POU2F3: variants seen among roughly 807,000 people sequenced by gnomAD.
POU2F3 encodes POU domain, class 2, transcription factor 3.
In POU2F3, 23 loss-of-function variants were observed where a neutral mutation model predicts 59.2. That is an observed-to-expected ratio of 0.39 (90% CI 0.28 to 0.55). POU2F3 has a LOEUF of 0.55. POU2F3 is among the 20% of genes least tolerant of loss of function. The probability of loss-of-function intolerance (pLI) is 0.66; values close to 1 mark genes in which losing one functional copy is unlikely to be tolerated. For missense variants in POU2F3, 473 were observed against 544.5 expected (o/e 0.87, Z 1.31); for synonymous variants, 190 against 214.6 (o/e 0.89, Z 1.00).
chr11:120,279,820 G>T (rs544060830), intron 3 of POU2F3, among the ~76,000 whole-genome samples: 1 of 152,312 alleles, frequency 6.6e-6, no homozygotes, highest in African/African-American at 2.4e-5. Flanking sequence ...CCTAGTACTT[G>T]CTGGTCTACC....
chr11:120,270,118 G>T (rs753295209), intron 3 of POU2F3, among the ~76,000 whole-genome samples: 8 of 152,168 alleles, frequency 5.3e-5, no homozygotes, highest in Non-Finnish European at 1.0e-4. Context: ...CACTAACTAG[G>T]TGTATAACCT....
intron 3 of POU2F3, among the ~76,000 whole-genome samples, chr11:120,269,733 C>T (rs1349825413): frequency 6.6e-6 from 1 of 152,078 alleles, no homozygotes; most frequent in East Asian, 1.9e-4. Context: ...GGCTCGGGGG[C>T]AATGTAGACA....
intron 3 of POU2F3, among the ~76,000 whole-genome samples, chr11:120,296,864 A>G (rs765479734): frequency 1.1e-4 from 17 of 152,174 alleles, no homozygotes; most frequent in Non-Finnish European, 2.2e-4. Context: ...TAACCCGTGC[A>G]TATGTCTTTA....
intron 3 of POU2F3, among the ~76,000 whole-genome samples, chr11:120,297,838 A>G (rs1273892656): frequency 3.3e-5 from 5 of 151,974 alleles, no homozygotes; most frequent in Non-Finnish European, 1.5e-5. Flanking sequence ...TGGCGTGATC[A>G]TAGCTCACTG....
rs1940941161 is a variant in POU2F3 at position 120,289,391 on chromosome 11, A to C, written c.133-8874A>C. On this transcript the variant is annotated intron_variant, in intron 3 of 12. Transcript: ENST00000543440. ...CTTTTTAACCGGCTACCCTCGCTAC[A>C]GTCATGCTCTCTTCAAATCCATATT... Among the ~76,000 whole-genome samples, 6 of 152,234 alleles carry C rather than the reference A, an allele frequency of 3.9e-5. No individual in the cohort carries two copies. In the South Asian group the frequency reaches 1.2e-3, roughly 32 times the overall value.
intron 3 of POU2F3, among the ~76,000 whole-genome samples, chr11:120,273,869 T>C (rs1940187000): frequency 6.6e-6 from 1 of 151,856 alleles, no homozygotes; most frequent in Non-Finnish European, 1.5e-5. Flanking sequence ...ATACAAAAAT[T>C]AGCTGGGTGT....
chr11:120,236,813 C>G (rs1040262131), upstream of POU2F3: 4 of 1,173,952 alleles, frequency 3.4e-6, no homozygotes, highest in Non-Finnish European at 4.9e-6. Context: ...CCCCTCAACC[C>G]TATACACAGG....
Position 120,319,444 on chromosome 11 carries a change from CTTT to C in POU2F3, c.*1068_*1070del, listed in dbSNP as rs1161373592. 4.2e-5 allele frequency: 5 copies of C among 117,848 alleles called. No individual in the cohort carries two copies. The highest frequency in any genetic ancestry group is 5.2e-5 in the Non-Finnish European group (3 of 57,894). The allele number at this position is 117,848 out of a possible 1,614,324, so 7.3% of individuals were successfully genotyped here. On this transcript the variant is annotated 3_prime_UTR_variant, in exon 13 of 13. Transcript: ENST00000543440. ...TGGGCTGGGATTTTTTTTTCTTTTT[CTTT>C]TTTTTTTTTTTTTTTGAGACAGTCT... is the stretch of plus-strand genomic sequence containing the variant.
rs185061828 is a variant in POU2F3, at chr11:120,249,136, G to A, written c.97+2619G>A. ...CCTCCTGGCTGGTGGAGACGTGGCC[G>A]GGGGCACATGTTTTCCTTTCTTTGG... On this transcript the variant is annotated intron_variant, in intron 2 of 12. Transcript: ENST00000543440. Among the ~76,000 whole-genome samples, 1,243 of 152,236 alleles carry A rather than the reference G, an allele frequency of 8.2e-3. 10 individuals carry two copies. The highest frequency in any genetic ancestry group is 0.013 in the Non-Finnish European group (900 of 68,018).
At chr11:120,266,647 G>A (rs537037494) in intron 2 of POU2F3, among the ~76,000 whole-genome samples, 8 of 152,216 alleles carry the variant, frequency 5.3e-5, no homozygotes, top group South Asian at 2.1e-4. Context: ...TCAGGACTTC[G>A]AAAGACTGGG....
At chr11:120,261,197 T>TGTGTGTGTTTTG (rs1220152410) in intron 2 of POU2F3, 1 of 149,052 alleles carries the variant, frequency 6.7e-6, no homozygotes, top group African/African-American at 2.5e-5. Flanking sequence ...TGTGTGTGTG[T>TGTGTGTGTTTTG]TTTGTTTGTT....
chr11:120,258,420 A>C (rs114513135), intron 2 of POU2F3, among the ~76,000 whole-genome samples: 6,893 of 152,202 alleles, frequency 0.045, 193 homozygotes, highest in African/African-American at 0.074. Flanking sequence ...TTTGTCCCTG[A>C]GTTGCCATTT....
chr11:120,308,071 A>T (rs1250085820), intron 9 of POU2F3, among the ~76,000 whole-genome samples: 1 of 152,226 alleles, frequency 6.6e-6, no homozygotes, highest in Non-Finnish European at 1.5e-5. Context: ...AAAGAAAAAA[A>T]ACGCCCATCG....
At chr11:120,282,442 G>C (rs949079335) in intron 3 of POU2F3, among the ~76,000 whole-genome samples, 1 of 152,186 alleles carries the variant, frequency 6.6e-6, no homozygotes, top group Non-Finnish European at 1.5e-5. Context: ...GATCACTTGA[G>C]GCTAGGAGTT....
intron 11 of POU2F3, among the ~76,000 whole-genome samples, chr11:120,315,850 T>C (rs867737129): frequency 6.8e-6 from 1 of 146,994 alleles, no homozygotes; most frequent in Admixed American, 6.9e-5. Context: ...TAATTATCAA[T>C]AGCACTTCCT....
At chr11:120,269,403 C>G (rs529764106) in intron 3 of POU2F3, among the ~76,000 whole-genome samples, 159 bp downstream of exon 3, 1 of 152,322 alleles carries the variant, frequency 6.6e-6, no homozygotes, top group East Asian at 1.9e-4. Flanking sequence ...AACCTCCCAC[C>G]CTAACCCATG....
intron 2 of POU2F3, among the ~76,000 whole-genome samples, chr11:120,250,926 G>A (rs977896242): frequency 3.3e-5 from 5 of 151,720 alleles, no homozygotes; most frequent in Admixed American, 1.3e-4. Context: ...GCAGTGAGCC[G>A]AGATCGCGCC....
chr11:120,238,827 TAAAAAAA>T (rs56948018), upstream of POU2F3, among the ~76,000 whole-genome samples: 16 of 48,338 alleles, frequency 3.3e-4, no homozygotes, highest in Admixed American at 1.6e-3. Flanking sequence ...AGACTCTGTC[TAAAAAAA>T]AAAAAAAAAA....
At chr11:120,289,918 A>G (rs1940961125) in intron 3 of POU2F3, among the ~76,000 whole-genome samples, 1 of 152,298 alleles carries the variant, frequency 6.6e-6, no homozygotes, top group Non-Finnish European at 1.5e-5. Flanking sequence ...CAGCCTCTCA[A>G]TTAACCTGGG....
Sources: gnomAD v4.1 joint callset for allele counts (sites outside exome capture counted in the v4.1 genomes callset) on GRCh38, gnomAD v4.1.1 for gene constraint, MANE v1.5 for transcripts, NCBI Gene and HGNC (gene_info 2026-07-23, HGNC 2026-07-21) for gene names.